The following SUFU variants were observed in gnomAD, a reference collection of about 807,000 sequenced individuals.
SUFU encodes SUFU negative regulator of hedgehog signaling, also known as suppressor of fused homolog.
A neutral mutation model predicts 58.9 loss-of-function variants in SUFU; 7 were observed. That is an observed-to-expected ratio of 0.12 (90% CI 0.07 to 0.22). The LOEUF is 0.22. Ranked by LOEUF, SUFU falls within the 10% of genes least tolerant of loss-of-function variation. SUFU has a pLI of 1.00. For missense variants in SUFU, 451 were observed against 641.3 expected (o/e 0.70, Z 3.20); for synonymous variants, 232 against 254.8 (o/e 0.91, Z 0.85).
intron 2 of SUFU, among the ~76,000 whole-genome samples, chr10:102,530,681 T>G (rs2062667022): frequency 6.6e-6 from 1 of 151,886 alleles, no homozygotes; most frequent in African/African-American, 2.4e-5. Context: ...CTTGAACTCC[T>G]GGGCTAAAGC....
intron 8 of SUFU, among the ~76,000 whole-genome samples, chr10:102,602,528 T>A (rs904253473): frequency 6.6e-6 from 1 of 152,232 alleles, no homozygotes; most frequent in Non-Finnish European, 1.5e-5. Context: ...TGAGCCTTGA[T>A]GATTCCAAAT....
chr10:102,581,720 G>A (rs1192415045), intron 3 of SUFU, among the ~76,000 whole-genome samples: 2 of 152,192 alleles, frequency 1.3e-5, no homozygotes, highest in East Asian at 3.8e-4. Context: ...AGCAGTCTGT[G>A]TTACTGGGGA....
At chr10:102,580,752 G>A (rs1212742582) in intron 3 of SUFU, among the ~76,000 whole-genome samples, 1 of 152,146 alleles carries the variant, frequency 6.6e-6, no homozygotes, top group East Asian at 1.9e-4. Flanking sequence ...AATGAGGGTA[G>A]CATTGTGCGG....
intron 2 of SUFU, among the ~76,000 whole-genome samples, chr10:102,542,729 A>C (rs961490957): frequency 6.6e-6 from 1 of 151,038 alleles, no homozygotes; most frequent in African/African-American, 2.4e-5. Context: ...GATTCAAGCA[A>C]TCCTCCTGCC....
chr10:102,515,972 G>A (rs1411841847), intron 2 of SUFU, among the ~76,000 whole-genome samples: 1 of 152,118 alleles, frequency 6.6e-6, no homozygotes, highest in Non-Finnish European at 1.5e-5. Context: ...CCTTTGTCAC[G>A]GCCCAGTGTG....
intron 8 of SUFU, among the ~76,000 whole-genome samples, chr10:102,613,063 G>A (rs2063642764): frequency 6.6e-6 from 1 of 152,218 alleles, no homozygotes; most frequent in African/African-American, 2.4e-5. Flanking sequence ...GAAGGGAGGT[G>A]CAGTGGCCCT....
chr10:102,626,365 T>G (rs1172308078), intron 10 of SUFU, among the ~76,000 whole-genome samples: 1 of 152,154 alleles, frequency 6.6e-6, no homozygotes, highest in Non-Finnish European at 1.5e-5. Context: ...TGTGAAAACT[T>G]CTTTAGCGGA....
intron 2 of SUFU, among the ~76,000 whole-genome samples, chr10:102,532,311 C>T (rs1268896685): frequency 1.3e-5 from 2 of 152,126 alleles, no homozygotes; most frequent in African/African-American, 4.8e-5. Flanking sequence ...CCAGAGGGCC[C>T]AGGAGCCCCA....
At chr10:102,568,874 CAAA>C (rs59877393) in intron 3 of SUFU, among the ~76,000 whole-genome samples, 2,303 of 14,372 alleles carry the variant, frequency 0.16, 163 homozygotes, top group Non-Finnish European at 0.19. Flanking sequence ...AACTCTGTCT[CAAA>C]AAAAAAAAAA....
At chr10:102,555,626 T>A (rs141797447) in intron 3 of SUFU, among the ~76,000 whole-genome samples, 78 of 152,364 alleles carry the variant, frequency 5.1e-4, no homozygotes, top group Middle Eastern at 3.4e-3. Flanking sequence ...CGGTAGAGCC[T>A]ATGCAGTTTA....
At chr10:102,522,887 A>G (rs1432779807) in intron 2 of SUFU, among the ~76,000 whole-genome samples, 2 of 152,186 alleles carry the variant, frequency 1.3e-5, no homozygotes, top group Non-Finnish European at 2.9e-5. Context: ...ATTGGGCTGA[A>G]GGGTCCTTGA....
rs541360059 is a variant in SUFU at position 102,581,632 on chromosome 10, G to A, written c.455-10950G>A. The stretch of plus-strand genomic sequence containing the variant: ...AGGAAGGAGGGCGGGTTAGGCAGTT[G>A]CCAGTCTCCCCACAGGTGTCGGCTT... On this transcript the variant is annotated intron_variant, in intron 3 of 11. Coordinates refer to ENST00000369902, the MANE Select transcript of SUFU (RefSeq NM_016169.4). 5.9e-5 allele frequency among the ~76,000 whole-genome samples: 9 copies of A among 152,326 alleles called. No individual in the cohort carries two copies. The East Asian group carries it at 1.5e-3, about 26-fold the overall frequency.
In SUFU at chr10:102,630,667, T is replaced by C. The variant is rs2063830097; in HGVS notation, c.*512T>C. 3.4e-6 allele frequency: 1 copy of C among 297,382 alleles called. No individual in the cohort carries two copies. The allele number at this position is 297,382 out of a possible 1,614,324, so 18.4% of individuals were successfully genotyped here. On this transcript the variant is annotated 3_prime_UTR_variant, in exon 12 of 12. Coordinates refer to ENST00000369902, the MANE Select transcript of SUFU (RefSeq NM_016169.4). ...TTTTCTTCTTCCTTATTTTATTTTG[T>C]AGAAACCGGGTGGTATTTTATTGCT...
At position 102,597,309 on chromosome 10, in the gene SUFU, C is replaced by G; in HGVS notation, c.910+16C>G. On this transcript the variant is annotated intron_variant, in intron 7 of 11. Coordinates refer to ENST00000369902, the MANE Select transcript of SUFU (RefSeq NM_016169.4). The stretch of plus-strand genomic sequence containing the variant: ...TCTGGCAAAGGTGGGAGCCATCACT[C>G]AGCATTCCACCAGCCTTCCTCCTTC... The G allele has an allele frequency of 6.2e-7, 1 of 1,609,824 alleles. No individual in the cohort carries two copies.
chr10:102,542,430 C>CTATA (rs201306136), intron 2 of SUFU, among the ~76,000 whole-genome samples: 6 of 137,280 alleles, frequency 4.4e-5, no homozygotes, highest in Non-Finnish European at 7.9e-5. Context: ...TGCGCCCGGC[C>CTATA]TATATATATA....
At position 102,613,998 on chromosome 10, in the gene SUFU, C is replaced by T. The variant is rs1311533992; in HGVS notation, c.1023-1270C>T. ...TTTCCAGCCAAGCCCACTGGTCTGA[C>T]TCGTAAGAGCCCAGCTTGTACTCAG... On this transcript the variant is annotated intron_variant, in intron 8 of 11. Transcript: ENST00000369902. Among the ~76,000 whole-genome samples the T allele has an allele frequency of 3.3e-5, 5 of 152,214 alleles. No homozygotes were observed. The South Asian group carries it at 6.2e-4, about 19-fold the overall frequency.
chr10:102,581,463 C>T (rs759174019), intron 3 of SUFU, among the ~76,000 whole-genome samples: 1 of 152,200 alleles, frequency 6.6e-6, no homozygotes, highest in East Asian at 1.9e-4. Flanking sequence ...ACCTGTAGTT[C>T]TGCCCCCGTA....
intron 2 of SUFU, among the ~76,000 whole-genome samples, chr10:102,519,858 G>A (rs2062527226): frequency 1.3e-5 from 2 of 152,008 alleles, no homozygotes; most frequent in Non-Finnish European, 2.9e-5. Context: ...TGCAACCTCC[G>A]TTTCCTGGGT....
intron 3 of SUFU, among the ~76,000 whole-genome samples, chr10:102,553,503 G>A (rs1234627613): frequency 2.1e-5 from 3 of 146,328 alleles, no homozygotes; most frequent in Non-Finnish European, 4.5e-5. Context: ...TCGCTCTATT[G>A]CCCAGGCTGG....
Sources: gnomAD v4.1 joint callset for allele counts (sites outside exome capture counted in the v4.1 genomes callset) on GRCh38, gnomAD v4.1.1 for gene constraint, MANE v1.5 for transcripts, NCBI Gene and HGNC (gene_info 2026-07-23, HGNC 2026-07-21) for gene names.